The following MGAT4C variants were observed in gnomAD, a reference collection of about 807,000 sequenced individuals.
MGAT4C encodes alpha-1,3-mannosyl-glycoprotein 4-beta-N-acetylglucosaminyltransferase C.
Under a neutral mutation model 40.1 loss-of-function variants are expected in MGAT4C, and 19 were observed. The observed-to-expected ratio is 0.47, with a 90% confidence interval of 0.33 to 0.70. The LOEUF is 0.70. MGAT4C is among the 30% of genes least tolerant of loss of function. The probability of loss-of-function intolerance (pLI) is 0.02; values close to 1 mark genes in which losing one functional copy is unlikely to be tolerated. For missense variants in MGAT4C, 491 were observed against 563.2 expected (o/e 0.87, Z 1.30); for synonymous variants, 181 against 187.1 (o/e 0.97, Z 0.27).
At chr12:86,213,774 G>A (rs1950570528) in intron 1 of MGAT4C, among the ~76,000 whole-genome samples, 1 of 152,158 alleles carries the variant, frequency 6.6e-6, no homozygotes, top group Non-Finnish European at 1.5e-5. Flanking sequence ...AGTTAAAAGG[G>A]GATAGACCCA....
At chr12:86,152,345 G>A (rs1884395203) in intron 1 of MGAT4C, among the ~76,000 whole-genome samples, 1 of 152,164 alleles carries the variant, frequency 6.6e-6, no homozygotes, top group South Asian at 2.1e-4. Flanking sequence ...CTTCCAAGAT[G>A]GTGCCTCGTT....
intron 3 of MGAT4C, among the ~76,000 whole-genome samples, chr12:86,420,903 G>A (rs555395147): frequency 8.8e-5 from 13 of 147,798 alleles, no homozygotes; most frequent in African/African-American, 1.5e-4. Context: ...ATATACATAC[G>A]TGTATATGTG....
At chr12:86,576,068 C>A (rs1274853257) in intron 2 of MGAT4C, among the ~76,000 whole-genome samples, 1 of 151,874 alleles carries the variant, frequency 6.6e-6, no homozygotes, top group Non-Finnish European at 1.5e-5. Context: ...ATTAGCATTT[C>A]TTTGATGACC....
At chr12:86,770,458 T>C (rs574629206) in intron 1 of MGAT4C, among the ~76,000 whole-genome samples, 3 of 152,252 alleles carry the variant, frequency 2.0e-5, no homozygotes, top group African/African-American at 7.2e-5. Flanking sequence ...AAACATTATA[T>C]AATGGTTTCC....
At chr12:86,070,642 A>G (rs1164921744) in intron 1 of MGAT4C, among the ~76,000 whole-genome samples, 3 of 151,940 alleles carry the variant, frequency 2.0e-5, no homozygotes, top group African/African-American at 4.8e-5. Flanking sequence ...ATGAGCTGGG[A>G]TTTCAAAGTT....
At chr12:86,836,250 T>G (rs1452073181) in intron 1 of MGAT4C, among the ~76,000 whole-genome samples, 1 of 152,072 alleles carries the variant, frequency 6.6e-6, no homozygotes, top group Non-Finnish European at 1.5e-5. Flanking sequence ...TCTGTAAAGA[T>G]AAATTCAAGT....
intron 1 of MGAT4C, among the ~76,000 whole-genome samples, chr12:86,100,712 C>G (rs910050959): frequency 2.6e-5 from 4 of 151,376 alleles, no homozygotes; most frequent in Admixed American, 2.6e-4. Flanking sequence ...TTTTCTATCT[C>G]TAGGGTCCAG....
intron 1 of MGAT4C, among the ~76,000 whole-genome samples, chr12:86,823,170 A>G (rs1389088974): frequency 1.3e-5 from 2 of 151,210 alleles, no homozygotes; most frequent in Non-Finnish European, 3.0e-5. Context: ...GCATTAAAAA[A>G]AGGAAATAGA....
intron 1 of MGAT4C, among the ~76,000 whole-genome samples, chr12:86,099,882 G>C (rs1279967903): frequency 2.0e-5 from 3 of 151,324 alleles, no homozygotes; most frequent in Non-Finnish European, 3.0e-5. Flanking sequence ...TAATGTTTTA[G>C]ATGTGTTCTT....
intron 4 of MGAT4C, among the ~76,000 whole-genome samples, chr12:86,319,021 A>G (rs57181794): frequency 0.038 from 5,726 of 152,094 alleles, 301 homozygotes; most frequent in African/African-American, 0.12. Flanking sequence ...CCCAAGCTCT[A>G]TTTCTTAAGA....
At chr12:86,376,652 G>A (rs553252813) in intron 3 of MGAT4C, among the ~76,000 whole-genome samples, 11 of 152,012 alleles carry the variant, frequency 7.2e-5, no homozygotes, top group Admixed American at 3.9e-4. Context: ...AGAACCATAA[G>A]AAAACATAAG....
chr12:86,523,776 G>C (rs1192893389), intron 2 of MGAT4C, among the ~76,000 whole-genome samples: 1 of 152,076 alleles, frequency 6.6e-6, no homozygotes, highest in East Asian at 1.9e-4. Flanking sequence ...CTACTGTGTT[G>C]GATGCATATA....
At chr12:86,827,322 A>G (rs1952827025) in intron 1 of MGAT4C, among the ~76,000 whole-genome samples, 2 of 151,498 alleles carry the variant, frequency 1.3e-5, no homozygotes, top group Admixed American at 1.3e-4. Flanking sequence ...AAAACCTTAT[A>G]AAATGGAAAA....
chr12:86,350,021 C>A (rs183730928), intron 3 of MGAT4C, among the ~76,000 whole-genome samples: 1 of 151,614 alleles, frequency 6.6e-6, no homozygotes, highest in East Asian at 1.9e-4. Flanking sequence ...TAAGATGATA[C>A]AACCAAAAAC....
At chr12:86,562,297 G>C (rs1187874913) in intron 2 of MGAT4C, among the ~76,000 whole-genome samples, 1 of 152,124 alleles carries the variant, frequency 6.6e-6, no homozygotes, top group African/African-American at 2.4e-5. Flanking sequence ...TGCAAGGAAA[G>C]GTGCACTCTC....
chr12:86,277,615 G>A lies in MGAT4C; in HGVS notation c.-57+56450C>T, dbSNP rs148861426. 1.4e-3 allele frequency among the ~76,000 whole-genome samples: 206 copies of A among 152,228 alleles called. 1 individual carries two copies. In the East Asian group the frequency reaches 0.037, roughly 28 times the overall value. On this transcript the variant is annotated intron_variant, in intron 4 of 7. Transcript: ENST00000548651. Reference sequence around the variant, plus strand: ...GGGTAGTTTCATTCTTCTGCATATGGATATCCAGTTTCCCCAACACCATTT... The same window carrying A: ...GGGTAGTTTCATTCTTCTGCATATGAATATCCAGTTTCCCCAACACCATTT...
chr12:86,407,772 C>T (rs533197338), intron 3 of MGAT4C, among the ~76,000 whole-genome samples: 78 of 152,114 alleles, frequency 5.1e-4, no homozygotes, highest in African/African-American at 1.9e-3. Context: ...GGTAGAAAGA[C>T]AACGTTTTTT....
At chr12:86,291,483 C>A (rs1350188203) in intron 4 of MGAT4C, among the ~76,000 whole-genome samples, 1 of 152,128 alleles carries the variant, frequency 6.6e-6, no homozygotes, top group Non-Finnish European at 1.5e-5. Context: ...GAGAAGCTTT[C>A]TTTTTTTCAC....
At chr12:86,381,024 A>G (rs983567298) in intron 3 of MGAT4C, among the ~76,000 whole-genome samples, 3 of 152,210 alleles carry the variant, frequency 2.0e-5, no homozygotes, top group Non-Finnish European at 2.9e-5. Context: ...TTGCAAGCAT[A>G]AACACCCAGA....
Sources: gnomAD v4.1 joint callset for allele counts (sites outside exome capture counted in the v4.1 genomes callset) on GRCh38, gnomAD v4.1.1 for gene constraint, MANE v1.5 for transcripts, NCBI Gene and HGNC (gene_info 2026-07-23, HGNC 2026-07-21) for gene names.